Variants in ANKRD28 observed in about 807,000 individuals in gnomAD.
The protein encoded by ANKRD28 is serine/threonine-protein phosphatase 6 regulatory ankyrin repeat subunit A.
A neutral mutation model predicts 126.5 loss-of-function variants in ANKRD28; 44 were observed. That is an observed-to-expected ratio of 0.35 (90% CI 0.27 to 0.45). ANKRD28 has a LOEUF of 0.45. ANKRD28 is among the 20% of genes least tolerant of loss of function. The pLI is 1.00. For synonymous variants in ANKRD28, 442 were observed against 468.5 expected, an observed-to-expected ratio of 0.94 and a Z score of 0.73; for missense variants, 1,110 against 1,316.6, an observed-to-expected ratio of 0.84 and a Z score of 2.43.
At chr3:15,782,159 C>T (rs564964042) in intron 2 of ANKRD28, among the ~76,000 whole-genome samples, 1 of 152,114 alleles carries the variant, frequency 6.6e-6, no homozygotes, top group South Asian at 2.1e-4. Context: ...GAATCTATTT[C>T]CTCTCAATTA....
chr3:15,778,979 G>A (rs2059423624), intron 2 of ANKRD28, among the ~76,000 whole-genome samples: 1 of 152,162 alleles, frequency 6.6e-6, no homozygotes, highest in Non-Finnish European at 1.5e-5. Flanking sequence ...CTGTCACCCT[G>A]TGAAGAGGTG....
chr3:15,678,428 G>T, intron 23 of ANKRD28, 74 bp from the exon 24 acceptor site: 3 of 1,403,062 alleles, frequency 2.1e-6, no homozygotes, highest in Admixed American at 2.1e-5. Flanking sequence ...TCTTTAATTT[G>T]TGACATGCTG....
At chr3:15,856,080 CT>C (rs1192528273) in intron 1 of ANKRD28, among the ~76,000 whole-genome samples, 1 of 152,148 alleles carries the variant, frequency 6.6e-6, no homozygotes, top group East Asian at 1.9e-4. Flanking sequence ...TTACTAGTCC[CT>C]TTTTAAAACC....
At chr3:15,747,307 T>C (rs1296447864) in intron 4 of ANKRD28, among the ~76,000 whole-genome samples, 1 of 152,138 alleles carries the variant, frequency 6.6e-6, no homozygotes, top group Non-Finnish European at 1.5e-5. Context: ...TTGTGCTCTT[T>C]CAGACTTTTT....
intron 2 of ANKRD28, among the ~76,000 whole-genome samples, chr3:15,783,111 G>C (rs747733924): frequency 2.6e-5 from 4 of 151,482 alleles, no homozygotes; most frequent in Non-Finnish European, 5.9e-5. Flanking sequence ...TAAAACTTGA[G>C]CTTTTCAAAA....
chr3:15,757,409 G>A (rs561930748), intron 3 of ANKRD28, among the ~76,000 whole-genome samples: 2 of 152,068 alleles, frequency 1.3e-5, no homozygotes, highest in African/African-American at 2.4e-5. Flanking sequence ...CAGTTATAAC[G>A]TTCTATCCTA....
rs144410169 is a variant in ANKRD28 at position 15,727,966 on chromosome 3, C to T, written c.641-3442G>A. 2.6e-5 allele frequency among the ~76,000 whole-genome samples: 4 copies of T among 152,284 alleles called. No individual in the cohort carries two copies. The East Asian group carries it at 5.8e-4, about 22-fold the overall frequency. ...AGGAAATTCTACTGTGGGTAAAATG[C>T]TATCAAACAGCTTCACATGCTACAG... On this transcript the variant is annotated intron_variant, in intron 6 of 27. Coordinates refer to ENST00000683139, the MANE Select transcript of ANKRD28 (RefSeq NM_001349278.2).
Position 15,822,672 on chromosome 3 carries a change from C to T in ANKRD28, c.28-27366G>A, listed in dbSNP as rs764463580. On this transcript the variant is annotated intron_variant, in intron 1 of 27. Transcript: ENST00000399451. ...CTTTAAATCAACTGCCTTAAATATG[C>T]TCACAGAACTAAAAAAAAAACCCTG... 4.8e-4 allele frequency among the ~76,000 whole-genome samples: 73 copies of T among 150,864 alleles called. 4 individuals carry two copies. The highest frequency in any genetic ancestry group is 4.0e-4 in the Admixed American group (6 of 15,144).
chr3:15,713,673 A>C (rs761272811), intron 9 of ANKRD28, 32 bp from the exon 10 acceptor site: 7 of 1,448,432 alleles, frequency 4.8e-6, no homozygotes, highest in Middle Eastern at 1.8e-4. Flanking sequence ...CAGACACTGG[A>C]CCATATAAAG....
intron 1 of ANKRD28, among the ~76,000 whole-genome samples, chr3:15,837,580 A>G (rs2061351107): frequency 6.6e-6 from 1 of 152,242 alleles, no homozygotes; most frequent in African/African-American, 2.4e-5. Context: ...AGGAATTTAG[A>G]ATACATTCTG....
At chr3:15,757,778 T>C (rs755365042) in intron 3 of ANKRD28, among the ~76,000 whole-genome samples, 3 of 152,210 alleles carry the variant, frequency 2.0e-5, no homozygotes, top group Non-Finnish European at 2.9e-5. Flanking sequence ...TATTCTGTTA[T>C]GGCAGCCCGA....
At chr3:15,753,097 A>G (rs1019017279) in intron 3 of ANKRD28, among the ~76,000 whole-genome samples, 1 of 152,238 alleles carries the variant, frequency 6.6e-6, no homozygotes, top group Non-Finnish European at 1.5e-5. Context: ...GTGAGGACAC[A>G]AAGAATCAAG....
At chr3:15,762,701 A>G (rs2125513219) in intron 3 of ANKRD28, among the ~76,000 whole-genome samples, 1 of 152,312 alleles carries the variant, frequency 6.6e-6, no homozygotes, top group East Asian at 1.9e-4. Flanking sequence ...ATAATTCCTG[A>G]TATCAAGGAA....
chr3:15,674,041 G>T (rs557385382), intron 27 of ANKRD28, among the ~76,000 whole-genome samples: 11 of 151,624 alleles, frequency 7.3e-5, no homozygotes, highest in Non-Finnish European at 1.5e-4. Context: ...GCCTGGTGAT[G>T]CATACTTATA....
intron 6 of ANKRD28, among the ~76,000 whole-genome samples, chr3:15,727,587 A>ATG (rs1553609263): frequency 9.1e-6 from 1 of 110,308 alleles, no homozygotes; most frequent in Admixed American, 1.2e-4. Flanking sequence ...AAAAAAAAAA[A>ATG]AAAGAAAGAA....
chr3:15,808,866 T>C (rs576537645), intron 1 of ANKRD28, among the ~76,000 whole-genome samples: 2 of 152,352 alleles, frequency 1.3e-5, no homozygotes, highest in African/African-American at 2.4e-5. Context: ...AAAATCATCA[T>C]TATTCTCAAC....
intron 1 of ANKRD28, among the ~76,000 whole-genome samples, chr3:15,811,823 T>C (rs1029341908): frequency 3.3e-5 from 5 of 152,036 alleles, no homozygotes; most frequent in Non-Finnish European, 5.9e-5. Context: ...ATAGATGCCA[T>C]GTAAATGATA....
chr3:15,688,072 T>C (rs1226296797), intron 18 of ANKRD28, among the ~76,000 whole-genome samples: 3 of 152,196 alleles, frequency 2.0e-5, no homozygotes, highest in African/African-American at 4.8e-5. Flanking sequence ...TGGTTCTTTT[T>C]GTGGGTAGGA....
intron 1 of ANKRD28, among the ~76,000 whole-genome samples, chr3:15,826,085 T>C (rs1013964057): frequency 1.3e-5 from 2 of 152,138 alleles, no homozygotes; most frequent in Non-Finnish European, 2.9e-5. Flanking sequence ...TACCTCCACA[T>C]ATCTATCTCA....
Sources: allele counts gnomAD v4.1 joint callset (sites outside exome capture counted in the v4.1 genomes callset), GRCh38; gene constraint gnomAD v4.1.1; transcripts MANE v1.5; gene names NCBI Gene and HGNC (gene_info 2026-07-23, HGNC 2026-07-21).